The following KCNU1 variants were observed in gnomAD, a reference collection of about 807,000 sequenced individuals.
KCNU1 encodes the protein potassium calcium-activated channel subfamily U member 1.
Under a neutral mutation model 126.8 loss-of-function variants are expected in KCNU1, and 93 were observed. The observed-to-expected ratio is 0.73, with a 90% CI of 0.62 to 0.87. KCNU1 has a LOEUF of 0.87. KCNU1 is among the 40% of genes least tolerant of loss of function. The probability of loss-of-function intolerance (pLI) is 0.00; values close to 1 mark genes in which losing one functional copy is unlikely to be tolerated. For missense variants in KCNU1, 1,330 were observed against 1,367.1 expected (o/e 0.97, Z 0.43); for synonymous variants, 523 against 494.2 (o/e 1.06, Z -0.77).
intron 2 of KCNU1, among the ~76,000 whole-genome samples, chr8:36,791,853 C>A (rs1056068675): frequency 2.6e-5 from 4 of 152,098 alleles, no homozygotes; most frequent in African/African-American, 7.2e-5. Context: ...TTTCCACCAC[C>A]TTGAGATGAG....
intron 19 of KCNU1, among the ~76,000 whole-genome samples, chr8:36,880,640 C>T (rs1563312246): frequency 6.6e-6 from 1 of 152,042 alleles, no homozygotes; most frequent in African/African-American, 2.4e-5. Context: ...CCAATCCCAC[C>T]AGCTGGTTGG....
intron 19 of KCNU1, among the ~76,000 whole-genome samples, chr8:36,873,458 C>A (rs1806174794): frequency 6.6e-6 from 1 of 152,110 alleles, no homozygotes. Flanking sequence ...GCTTACACAA[C>A]ACAATATATT....
chr8:36,928,833 C>T (rs1808609508), intron 24 of KCNU1: 2 of 565,802 alleles, frequency 3.5e-6, no homozygotes, highest in African/African-American at 1.9e-5. Flanking sequence ...GATCTGAGGA[C>T]AACCAGTGTC....
At chr8:36,931,656 G>A (rs1199423610) in intron 25 of KCNU1, among the ~76,000 whole-genome samples, 1 of 152,086 alleles carries the variant, frequency 6.6e-6, no homozygotes, top group African/African-American at 2.4e-5. Context: ...CAGTGTCAGA[G>A]CAGGGACCCA....
chr8:36,870,715 CAAGCATAGGCTT>C (rs1378158325), intron 19 of KCNU1, among the ~76,000 whole-genome samples: 1 of 152,184 alleles, frequency 6.6e-6, no homozygotes, highest in Non-Finnish European at 1.5e-5. Flanking sequence ...TCCCTCCAGA[CAAGCATAGGCTT>C]TCCTATTTGA....
At chr8:36,812,260 A>G (rs527849024) in intron 7 of KCNU1, among the ~76,000 whole-genome samples, 37 of 151,848 alleles carry the variant, frequency 2.4e-4, no homozygotes, top group African/African-American at 8.9e-4. Context: ...GGCACCTGCA[A>G]TCCCAGCTAC....
At chr8:36,877,008 A>G (rs941775685) in intron 19 of KCNU1, among the ~76,000 whole-genome samples, 3 of 152,160 alleles carry the variant, frequency 2.0e-5, no homozygotes, top group Non-Finnish European at 2.9e-5. Context: ...ACTATACCAA[A>G]TTAGAGAATG....
At chr8:36,850,611 T>A (rs999513185) in intron 18 of KCNU1, among the ~76,000 whole-genome samples, 2 of 152,192 alleles carry the variant, frequency 1.3e-5, no homozygotes, top group Middle Eastern at 3.4e-3. Flanking sequence ...TGCCCACAAC[T>A]ATGCCCAGCT....
intron 4 of KCNU1, 92 bp downstream of exon 4, chr8:36,805,377 G>T: frequency 1.3e-6 from 1 of 776,106 alleles, no homozygotes; most frequent in South Asian, 1.6e-5. Context: ...CAATCTGCCC[G>T]AGTTTTCAAC....
intron 22 of KCNU1, 60 bp from the exon 23 acceptor site, chr8:36,918,763 T>G: frequency 9.9e-7 from 1 of 1,011,218 alleles, no homozygotes; most frequent in Non-Finnish European, 1.6e-6. Context: ...TTCTTCTACA[T>G]TTTTGACAAG....
At chr8:36,906,858 T>C (rs1241668171) in intron 20 of KCNU1, among the ~76,000 whole-genome samples, 1 of 152,154 alleles carries the variant, frequency 6.6e-6, no homozygotes, top group East Asian at 1.9e-4. Flanking sequence ...AATTATGTCT[T>C]ATTCTGAACT....
chr8:36,926,425 A>C (rs902334401), intron 24 of KCNU1, among the ~76,000 whole-genome samples: 1 of 151,012 alleles, frequency 6.6e-6, no homozygotes. Context: ...TTGCCCACCC[A>C]CATCTCTCCC....
chr8:36,890,071 A>G (rs907446856), intron 19 of KCNU1, among the ~76,000 whole-genome samples: 8 of 152,086 alleles, frequency 5.3e-5, no homozygotes, highest in African/African-American at 1.4e-4. Flanking sequence ...ATTTTCTTCA[A>G]AATTGAAGGA....
At chr8:36,794,573 T>C (rs547813051) in intron 2 of KCNU1, among the ~76,000 whole-genome samples, 42 of 152,194 alleles carry the variant, frequency 2.8e-4, no homozygotes, top group African/African-American at 9.4e-4. Context: ...CAGTTCAGGA[T>C]GAGCATTTTC....
intron 18 of KCNU1, among the ~76,000 whole-genome samples, chr8:36,849,448 G>A (rs1439415707): frequency 6.6e-6 from 1 of 152,098 alleles, no homozygotes; most frequent in East Asian, 1.9e-4. Context: ...AATTAGCTGG[G>A]TGTGGTGGTG....
chr8:36,827,490 C>T (rs902794268), intron 10 of KCNU1, among the ~76,000 whole-genome samples: 1 of 152,136 alleles, frequency 6.6e-6, no homozygotes, highest in African/African-American at 2.4e-5. Context: ...TTGGACTCAA[C>T]TCCCGAGTTA....
chr8:36,817,819 T>C, intron 10 of KCNU1, 59 bp downstream of exon 10: 1 of 807,960 alleles, frequency 1.2e-6, no homozygotes, highest in Non-Finnish European at 2.1e-6. Flanking sequence ...CGTGTGAATA[T>C]TTTTAATGCA....
intron 7 of KCNU1, among the ~76,000 whole-genome samples, chr8:36,813,591 A>C (rs1054450989): frequency 2.0e-5 from 3 of 151,536 alleles, no homozygotes; most frequent in Admixed American, 6.6e-5. Flanking sequence ...ATCTAATATT[A>C]AAAATCTGAT....
intron 23 of KCNU1, among the ~76,000 whole-genome samples, chr8:36,921,419 A>T (rs1014702728): frequency 8.5e-5 from 13 of 152,084 alleles, no homozygotes; most frequent in Non-Finnish European, 1.9e-4. Context: ...TTGAAAGAAG[A>T]TTCTAGAAAC....
Sources: allele counts gnomAD v4.1 joint callset (sites outside exome capture counted in the v4.1 genomes callset), GRCh38; gene constraint gnomAD v4.1.1; transcripts MANE v1.5; gene names NCBI Gene and HGNC (gene_info 2026-07-23, HGNC 2026-07-21).